The following PBX1 variants were observed in gnomAD, a reference collection of about 807,000 sequenced individuals.
PBX1 encodes PBX homeobox 1.
A neutral mutation model predicts 53.4 loss-of-function variants in PBX1; 6 were observed. The observed-to-expected ratio is 0.11, with a 90% CI of 0.06 to 0.22. The LOEUF is 0.22. Ranked by LOEUF, PBX1 falls within the 10% of genes least tolerant of loss-of-function variation. PBX1 has a pLI of 1.00. For missense variants in PBX1, 251 were observed against 551.4 expected (o/e 0.46, Z 5.46); for synonymous variants, 204 against 212.3 (o/e 0.96, Z 0.34).
rs574914223 is a variant in PBX1 at position 164,663,636 on chromosome 1, A to G, written c.265+100325A>G. 2.6e-5 allele frequency among the ~76,000 whole-genome samples: 4 copies of G among 152,348 alleles called. No individual in the cohort carries two copies. In the East Asian group the frequency reaches 7.7e-4, roughly 29 times the overall value. ...ATTGCACCTGTCTGTCATTGCAATT[A>G]AAACATTTATGAGATCATCAAACAC... is the stretch of plus-strand genomic sequence containing the variant. On this transcript the variant is annotated intron_variant, in intron 2 of 8. Transcript: ENST00000420696.
At position 164,559,685 on chromosome 1, in the gene PBX1, T is replaced by G; in HGVS notation, c.-138T>G. ...CAAAGGGATTTTTTTTTTCTTTTGG[T>G]CTTCTTTTTTCCCCCTTCCCTGTTT... On this transcript the variant is annotated 5_prime_UTR_variant, in exon 1 of 9. Coordinates refer to ENST00000420696, the MANE Select transcript of PBX1 (RefSeq NM_002585.4). 5 of 541,228 alleles carry G rather than the reference T, an allele frequency of 9.2e-6. No homozygotes were observed. Among genetic ancestry groups the G allele is most frequent in the South Asian group, 6.4e-5 (2 of 31,304 alleles). The allele number at this position is 541,228 out of a possible 1,614,324, so 33.5% of individuals were successfully genotyped here.
At chr1:164,625,829 A>G (rs1237565982) in intron 2 of PBX1, 1 of 598,104 alleles carries the variant, frequency 1.7e-6, no homozygotes, top group African/African-American at 2.0e-5. Context: ...AAAAAAGAAA[A>G]AAAACACCTT....
In PBX1 at chr1:164,763,274, A is replaced by G. The variant is rs1013914697; in HGVS notation, c.266-29220A>G. Among the ~76,000 whole-genome samples, 11 of 152,336 alleles carry G rather than the reference A, an allele frequency of 7.2e-5. No individual in the cohort carries two copies. In the East Asian group the frequency reaches 2.1e-3, roughly 29 times the overall value. On this transcript the variant is annotated intron_variant, in intron 2 of 8. Coordinates refer to ENST00000420696, the MANE Select transcript of PBX1 (RefSeq NM_002585.4). ...CTGAGTTTTCACTCAGTCTTCCCTA[A>G]AAGGTGATCCTGTGTCATCCTCGTG...
intron 2 of PBX1, among the ~76,000 whole-genome samples, chr1:164,687,460 G>A (rs777095516): frequency 4.0e-5 from 6 of 151,176 alleles, no homozygotes; most frequent in Non-Finnish European, 8.8e-5. Context: ...TACTGGGGAG[G>A]CTGAGATGGG....
At chr1:164,881,368 A>AG (rs1672648109) in intron 2 of PBX1, among the ~76,000 whole-genome samples, 1 of 11,820 alleles carries the variant, frequency 8.5e-5, no homozygotes, top group Non-Finnish European at 4.9e-4. Flanking sequence ...AAGGAGGAAA[A>AG]GAAGGAAGGA....
At chr1:164,650,185 G>A (rs1005627356) in intron 2 of PBX1, among the ~76,000 whole-genome samples, 6 of 151,794 alleles carry the variant, frequency 4.0e-5, no homozygotes, top group Non-Finnish European at 5.9e-5. Context: ...GGAAGCCACT[G>A]GACTCTTAGG....
intron 2 of PBX1, among the ~76,000 whole-genome samples, chr1:164,565,327 G>GT (rs1388350685): frequency 2.0e-5 from 3 of 151,702 alleles, no homozygotes; most frequent in East Asian, 1.9e-4. Context: ...CTAAATTAAG[G>GT]TTTTTTGTGT....
At chr1:164,562,470 C>T (rs1210503847) in intron 1 of PBX1, among the ~76,000 whole-genome samples, 1 of 151,760 alleles carries the variant, frequency 6.6e-6, no homozygotes, top group Non-Finnish European at 1.5e-5. Flanking sequence ...CACACACACA[C>T]ACACACACAC....
chr1:164,571,034 T>C (rs1653813391), intron 2 of PBX1, among the ~76,000 whole-genome samples: 1 of 152,210 alleles, frequency 6.6e-6, no homozygotes, highest in South Asian at 2.1e-4. Flanking sequence ...TTCATATCCT[T>C]CACCCACTGT....
rs141284124 is a variant in PBX1 at position 164,796,411 on chromosome 1, C to T, written c.511-3288C>T. 4.0e-3 allele frequency among the ~76,000 whole-genome samples: 602 copies of T among 152,180 alleles called. 4 individuals are homozygous for T. Among genetic ancestry groups the T allele is most frequent in the African/African-American group, 0.014 (583 of 41,514 alleles). On this transcript the variant is annotated intron_variant, in intron 3 of 8. Coordinates refer to ENST00000420696, the MANE Select transcript of PBX1 (RefSeq NM_002585.4). ...ACTTTAAAAAAAAATTATCTTGTGG[C>T]TTTGTAGGATTTTTTAGCTTTTGTA... is the stretch of plus-strand genomic sequence containing the variant.
chr1:164,665,921 T>G (rs1222952452), intron 2 of PBX1, among the ~76,000 whole-genome samples: 1 of 152,188 alleles, frequency 6.6e-6, no homozygotes, highest in Non-Finnish European at 1.5e-5. Flanking sequence ...CAAGGGAGTC[T>G]AGGGTTTTAA....
At chr1:164,669,605 A>C (rs150782580) in intron 2 of PBX1, among the ~76,000 whole-genome samples, 1 of 152,174 alleles carries the variant, frequency 6.6e-6, no homozygotes, top group South Asian at 2.1e-4. Flanking sequence ...TTTAGAATGT[A>C]CACACTGCCT....
intron 2 of PBX1, among the ~76,000 whole-genome samples, chr1:164,690,570 C>T (rs1436878955): frequency 6.6e-6 from 1 of 150,760 alleles, no homozygotes; most frequent in Non-Finnish European, 1.5e-5. Flanking sequence ...AGTTTGAGAC[C>T]AGCCTGGGCA....
intron 2 of PBX1, among the ~76,000 whole-genome samples, chr1:164,882,852 A>C (rs556788044): frequency 6.6e-6 from 1 of 152,278 alleles, no homozygotes; most frequent in South Asian, 2.1e-4. Context: ...ATGCTATGCT[A>C]TGCTATGCTA....
chr1:164,672,027 TTTTC>T (rs1661145489), intron 2 of PBX1, among the ~76,000 whole-genome samples: 13 of 132,286 alleles, frequency 9.8e-5, no homozygotes, highest in Admixed American at 5.4e-4. Flanking sequence ...CTCTGGTTGT[TTTTC>T]TTTCTGTTTT....
chr1:164,780,855 C>T (rs1667901254), intron 2 of PBX1, among the ~76,000 whole-genome samples: 1 of 152,148 alleles, frequency 6.6e-6, no homozygotes, highest in Non-Finnish European at 1.5e-5. Flanking sequence ...TTATTTACTG[C>T]CTCTTGTCCA....
At chr1:164,810,255 A>G (rs764793159) in intron 5 of PBX1, among the ~76,000 whole-genome samples, 1 of 152,184 alleles carries the variant, frequency 6.6e-6, no homozygotes, top group African/African-American at 2.4e-5. Flanking sequence ...TCTGTTATCT[A>G]TACATCCCTA....
At chr1:164,684,153 A>G (rs1383593078) in intron 2 of PBX1, 1 of 152,166 alleles carries the variant, frequency 6.6e-6, no homozygotes, top group African/African-American at 2.4e-5. Context: ...CTGTTTATGT[A>G]CAGAATATCT....
chr1:164,834,376 C>G (rs1241818588), intron 8 of PBX1, among the ~76,000 whole-genome samples: 2 of 149,030 alleles, frequency 1.3e-5, no homozygotes, highest in Non-Finnish European at 3.0e-5. Flanking sequence ...CAGAGTCTCA[C>G]TCTGTCACCC....
Sources: allele counts gnomAD v4.1 joint callset (sites outside exome capture counted in the v4.1 genomes callset), GRCh38; gene constraint gnomAD v4.1.1; transcripts MANE v1.5; gene names NCBI Gene and HGNC (gene_info 2026-07-23, HGNC 2026-07-21).